Variants in PIGB observed in about 807,000 individuals in gnomAD.
The protein encoded by PIGB is phosphatidylinositol glycan anchor biosynthesis class B, also known as GPI alpha-1,2-mannosyltransferase 3.
In PIGB, 58 loss-of-function variants were observed where a neutral mutation model predicts 68.4. The ratio of observed to expected loss-of-function variants is 0.85; its 90% CI spans 0.69 to 1.06. PIGB has a LOEUF of 1.06. PIGB is among the 50% of genes least tolerant of loss of function. The pLI is 0.00. For synonymous variants in PIGB, 219 were observed against 220.5 expected (o/e 0.99, Z 0.06); for missense variants, 634 against 655.8 (o/e 0.97, Z 0.36).
At position 55,321,358 on chromosome 15, in the gene PIGB, C is replaced by T; in HGVS notation, c.385C>T (p.His129Tyr). The T allele has an allele frequency of 6.2e-7, 1 of 1,605,194 alleles. No individual in the cohort carries two copies. Among genetic ancestry groups the T allele is most frequent in the Non-Finnish European group, 8.5e-7 (1 of 1,174,568 alleles). ...LIFASIYKIL[H>Y]LLGKDSVQLL... Reference sequence around the variant, plus strand: ...CTTTGCAAGCATTTACAAGATTCTTCATCTTTTAGGGAAAGATAGTGTTCA... The same window carrying T: ...CTTTGCAAGCATTTACAAGATTCTTTATCTTTTAGGGAAAGATAGTGTTCA... Residue 129 changes from histidine (H) to tyrosine (Y), a missense_variant, in exon 3 of 12, where the codon CAT becomes TAT. Physicochemically the swap from His to Tyr is moderately conservative, Grantham distance 83 (BLOSUM62 2). Transcript: ENST00000164305.
chr15:55,319,393 A>G lies in PIGB; in HGVS notation c.143A>G (p.Lys48Arg). The G allele has an allele frequency of 6.4e-7, 1 of 1,552,466 alleles. No homozygotes were observed. The highest frequency in any genetic ancestry group is 8.7e-7 in the Non-Finnish European group (1 of 1,147,306). The change falls in exon 1 of 12, where the codon AAG (lysine) becomes AGG (arginine). Residue 48 changes from lysine to arginine, a missense_variant. Transcript: ENST00000164305. ...KSTLYFNTQE[K>R]SARRRGDLLG... ...ACCTTGTACTTCAACACCCAGGAGA[A>G]GAGCGCCAGGCGCCGCGGGGGTGAG... is the stretch of plus-strand genomic sequence containing the variant.
rs755634588 is a variant in PIGB, at chr15:55,329,754, T to C, written c.553T>C (p.Trp185Arg). The change falls in exon 5 of 12, where the codon TGG (tryptophan) becomes CGG (arginine). Residue 185 changes from tryptophan to arginine, a missense_variant. By Grantham distance (101) the Trp-to-Arg change is moderately radical. Transcript: ENST00000164305. ...TTGCCAGTTGTGCTCCTGGTTCACA[T>C]GGTATTGCTGTACCAGAACCCTTAC... Reference protein sequence around the residue: ...FFCQLCSWFTWYCCTRTLTNT... With the variant: ...FFCQLCSWFTRYCCTRTLTNT... The C allele has an allele frequency of 6.2e-7, 1 of 1,611,230 alleles. No individual in the cohort carries two copies. The highest frequency in any genetic ancestry group is 2.2e-5 in the East Asian group (1 of 44,828).
intron 4 of PIGB, among the ~76,000 whole-genome samples, chr15:55,329,346 A>G (rs2055362600): frequency 6.6e-6 from 1 of 152,214 alleles, no homozygotes; most frequent in African/African-American, 2.4e-5. Context: ...TGTCAGTACT[A>G]TAAGACAGTT....
At chr15:55,350,181 C>T (rs1294587569) in intron 9 of PIGB, 1 of 153,116 alleles carries the variant, frequency 6.5e-6, no homozygotes, top group African/African-American at 2.4e-5. Flanking sequence ...TTCTTCCACT[C>T]ATATACTTAC....
At position 55,350,917 on chromosome 15, in the gene PIGB, T is replaced by TAA. The variant is rs749966554; in HGVS notation, c.1337+8_1337+9dup. 50 of 1,434,388 alleles carry TAA rather than the reference T, an allele frequency of 3.5e-5. No individual in the cohort carries two copies. The highest frequency in any genetic ancestry group is 4.7e-5 in the Non-Finnish European group (48 of 1,023,488). 88.9% of individuals were successfully genotyped at this position (1,434,388 alleles called of 1,614,324 possible). On this transcript the variant is annotated splice_donor_region_variant and intron_variant, in intron 10 of 11. Coordinates refer to ENST00000164305, the MANE Select transcript of PIGB (RefSeq NM_004855.5). ...CCACTCTACTCCTTATTACAGGTAA[T>TAA]AAAAGATGTTCCACTATATGCTGTT...
At chr15:55,325,055 G>A (rs1178139302) in intron 3 of PIGB, among the ~76,000 whole-genome samples, 3 of 152,150 alleles carry the variant, frequency 2.0e-5, no homozygotes, top group Admixed American at 6.5e-5. Flanking sequence ...CAGCCGGCGC[G>A]GTGGATCACG....
intron 5 of PIGB, among the ~76,000 whole-genome samples, 155 bp downstream of exon 5, chr15:55,330,009 T>C (rs1199360046): frequency 1.3e-5 from 2 of 152,156 alleles, no homozygotes; most frequent in African/African-American, 4.8e-5. Context: ...AAACAGATAA[T>C]ACTCAAACAG....
intron 5 of PIGB, among the ~76,000 whole-genome samples, chr15:55,332,708 A>G (rs905024578): frequency 1.3e-5 from 2 of 152,180 alleles, no homozygotes; most frequent in African/African-American, 4.8e-5. Context: ...ATTAGTTAAT[A>G]GGTATATAAT....
chr15:55,337,974 T>A (rs779183589), intron 6 of PIGB, among the ~76,000 whole-genome samples: 2 of 152,226 alleles, frequency 1.3e-5, no homozygotes, highest in Non-Finnish European at 2.9e-5. Flanking sequence ...TCATCTATGT[T>A]ATCAGAAATT....
At chr15:55,352,735 C>T (rs967125440) in intron 10 of PIGB, among the ~76,000 whole-genome samples, 9 of 152,024 alleles carry the variant, frequency 5.9e-5, no homozygotes, top group African/African-American at 1.5e-4. Flanking sequence ...CCAACCTGGG[C>T]GACAGAGCGA....
At chr15:55,332,891 A>G (rs921296336) in intron 5 of PIGB, among the ~76,000 whole-genome samples, 2 of 152,238 alleles carry the variant, frequency 1.3e-5, no homozygotes, top group Non-Finnish European at 2.9e-5. Flanking sequence ...ATCCATGATC[A>G]TACAGTTTAT....
chr15:55,354,865 T>C lies in PIGB; in HGVS notation c.1405T>C (p.Tyr469His), dbSNP rs773870225. 7 of 1,613,674 alleles carry C rather than the reference T, an allele frequency of 4.3e-6. No homozygotes were observed. The highest frequency in any genetic ancestry group is 3.4e-6 in the Non-Finnish European group (4 of 1,179,756). The stretch of plus-strand genomic sequence containing the variant: ...GCCAGACCTGACTGGAAAAAGTCAT[T>C]ATCTTGATGAAGCAGATGTATTTTA... ...CPPDLTGKSH[Y>H]LDEADVFYLN... The change falls in exon 11 of 12, where the codon TAT becomes CAT. Residue 469 changes from tyrosine to histidine, a missense_variant. Coordinates refer to ENST00000164305, the MANE Select transcript of PIGB (RefSeq NM_004855.5).
chr15:55,341,321 A>G (rs1324367489), intron 8 of PIGB, among the ~76,000 whole-genome samples: 3 of 152,224 alleles, frequency 2.0e-5, no homozygotes, highest in Admixed American at 6.5e-5. Flanking sequence ...TGATTGTGCT[A>G]CTGCACTCCA....
chr15:55,341,832 A>G lies in PIGB; in HGVS notation c.1123+30A>G, dbSNP rs1419665999. 2.7e-5 allele frequency: 27 copies of G among 995,144 alleles called. No homozygotes were observed. The East Asian group carries it at 7.9e-4, about 29-fold the overall frequency. 61.6% of individuals were successfully genotyped at this position (995,144 alleles called of 1,614,324 possible). A position where few individuals can be genotyped will look rare whatever the true frequency, so the allele number is the denominator to read the frequency against. On this transcript the variant is annotated intron_variant, in intron 9 of 11. Coordinates refer to ENST00000164305, the MANE Select transcript of PIGB (RefSeq NM_004855.5). Reference sequence around the variant, plus strand: ...GTGCTTTTGTTTGTTATAGAAAATAAATTATATAGAAATAGTCTAAAGACA... The same window carrying G: ...GTGCTTTTGTTTGTTATAGAAAATAGATTATATAGAAATAGTCTAAAGACA...
chr15:55,345,183 G>A (rs1210455079), intron 9 of PIGB, among the ~76,000 whole-genome samples: 2 of 151,712 alleles, frequency 1.3e-5, no homozygotes, highest in Non-Finnish European at 2.9e-5. Flanking sequence ...AGGCACCACA[G>A]CTGGCCCCAT....
chr15:55,325,064 C>T lies in PIGB; in HGVS notation c.418-2467C>T, dbSNP rs148001131. Among the ~76,000 whole-genome samples the T allele has an allele frequency of 1.4e-3, 218 of 152,270 alleles. 2 individuals are homozygous for T. Among genetic ancestry groups the T allele is most frequent in the African/African-American group, 5.0e-3 (207 of 41,564 alleles). On this transcript the variant is annotated intron_variant, in intron 3 of 11. Coordinates refer to ENST00000164305, the MANE Select transcript of PIGB (RefSeq NM_004855.5). Reference sequence around the variant, plus strand: ...AATTAACAGCCGGCGCGGTGGATCACGCCTGTAATCCCAGCACTTTGGGAG... The same window carrying T: ...AATTAACAGCCGGCGCGGTGGATCATGCCTGTAATCCCAGCACTTTGGGAG...
At chr15:55,325,169 T>C (rs1229822465) in intron 3 of PIGB, among the ~76,000 whole-genome samples, 2 of 151,830 alleles carry the variant, frequency 1.3e-5, no homozygotes, top group African/African-American at 4.8e-5. Flanking sequence ...CTACTAAAAA[T>C]AGAAAAATTA....
chr15:55,339,284 T>A lies in PIGB; in HGVS notation c.812T>A (p.Leu271Ter), dbSNP rs1357427054. ...TTTTTCAGCTTTGTTACTTTGAGTT[T>A]GTCTCTGATGATTGATCGTATTTTT... ...FLPVGFVTLSLSLMIDRIFFG... is the reference protein window; with the variant it reads ...FLPVGFVTLS The change falls in exon 7 of 12, where the codon TTG becomes TAG. Residue 271 changes from leucine (L) to a stop codon, truncating the protein, a stop_gained. Coordinates refer to ENST00000164305, the MANE Select transcript of PIGB (RefSeq NM_004855.5). LOFTEE classifies it high-confidence loss of function. 1 of 1,552,910 alleles carries A rather than the reference T, an allele frequency of 6.4e-7. No homozygotes were observed. The highest frequency in any genetic ancestry group is 2.0e-5 in the Admixed American group (1 of 50,592).
intron 3 of PIGB, among the ~76,000 whole-genome samples, chr15:55,323,966 T>C (rs1275221481): frequency 6.6e-6 from 1 of 152,200 alleles, no homozygotes; most frequent in African/African-American, 2.4e-5. Context: ...TGGCTGGCTG[T>C]AACTGCCGCC....
Sources: allele counts gnomAD v4.1 joint callset (sites outside exome capture counted in the v4.1 genomes callset), GRCh38; gene constraint gnomAD v4.1.1; transcripts MANE v1.5; gene names NCBI Gene and HGNC (gene_info 2026-07-23, HGNC 2026-07-21).